NECTIN2: variants seen among roughly 807,000 people sequenced by gnomAD.
The protein encoded by NECTIN2 is nectin cell adhesion molecule 2.
NECTIN2 carries 23 observed loss-of-function variants against 56.9 expected under a neutral mutation model. The observed-to-expected ratio is 0.40, with a 90% CI of 0.29 to 0.57. The LOEUF (loss-of-function observed/expected upper bound fraction) is 0.57. Ranked by LOEUF, NECTIN2 falls within the 20% of genes least tolerant of loss-of-function variation. NECTIN2 has a pLI of 0.38. For missense variants in NECTIN2, 587 were observed against 718.3 expected (o/e 0.82, Z 2.09); for synonymous variants, 302 against 313.8 (o/e 0.96, Z 0.40).
chr19:44,869,765 C>T (rs1257174070), intron 2 of NECTIN2, among the ~76,000 whole-genome samples: 1 of 151,716 alleles, frequency 6.6e-6, no homozygotes, highest in Non-Finnish European at 1.5e-5. Flanking sequence ...TTGTTTGTTT[C>T]TTGGAGAGAG....
At chr19:44,885,307 C>CTTTT (rs34485333) in intron 6 of NECTIN2, among the ~76,000 whole-genome samples, 60 of 112,812 alleles carry the variant, frequency 5.3e-4, no homozygotes, top group Non-Finnish European at 8.7e-4. Context: ...ATCTTTCTTT[C>CTTTT]TTTTTTTTTT....
chr19:44,869,602 AAAAAAAAG>A (rs1162574189), intron 2 of NECTIN2, among the ~76,000 whole-genome samples: 2 of 145,344 alleles, frequency 1.4e-5, no homozygotes, highest in Non-Finnish European at 3.0e-5. Context: ...CAAAAAAAAA[AAAAAAAAG>A]AAAAGAAAAT....
chr19:44,847,125 G>A (rs890971523), intron 1 of NECTIN2, among the ~76,000 whole-genome samples: 1 of 152,128 alleles, frequency 6.6e-6, no homozygotes, highest in South Asian at 2.1e-4. Context: ...AGAGAACTGA[G>A]GACAAGCGGA....
chr19:44,853,354 G>A (rs1298516306), intron 1 of NECTIN2, among the ~76,000 whole-genome samples: 2 of 151,706 alleles, frequency 1.3e-5, no homozygotes, highest in Admixed American at 6.6e-5. Flanking sequence ...CTGCCACCAC[G>A]CCCAGCTAAT....
chr19:44,884,697 G>A (rs1159644213), intron 6 of NECTIN2, among the ~76,000 whole-genome samples: 1 of 152,178 alleles, frequency 6.6e-6, no homozygotes, highest in African/African-American at 2.4e-5. Context: ...TAGGGCAGTT[G>A]AGCAAGCTCT....
rs1179777217 is a variant in NECTIN2, at chr19:44,885,918, C to T, written c.1197-19C>T. 2 of 1,549,962 alleles carry T rather than the reference C, an allele frequency of 1.3e-6. No individual in the cohort carries two copies. Among genetic ancestry groups the T allele is most frequent in the East Asian group, 4.5e-5 (2 of 44,532 alleles). On this transcript the variant is annotated intron_variant, in intron 6 of 8. Transcript: ENST00000252483. ...TGCCTGGGTCTTAATCTCCACTTGT[C>T]CTACCTCCTACCCCACAGCCTGGAG...
At position 44,874,174 on chromosome 19, in the gene NECTIN2, T is replaced by A. The variant is rs914065403; in HGVS notation, c.893+141T>A. On this transcript the variant is annotated intron_variant, in intron 4 of 8. Coordinates refer to ENST00000252483, the MANE Select transcript of NECTIN2 (RefSeq NM_001042724.2). This position sits in a 1 kb window ranked among gnomAD's most constrained non-coding sequence, Gnocchi z 6.3. The stretch of plus-strand genomic sequence containing the variant: ...GGGCTGGGCCTAAATTCCTAAGTCC[T>A]CCAGGATGAAGGGAGCTTGCATTTT... 6.5e-6 allele frequency: 8 copies of A among 1,237,778 alleles called. No individual in the cohort carries two copies. The highest frequency in any genetic ancestry group is 9.1e-6 in the Non-Finnish European group (8 of 875,644). 76.7% of individuals were successfully genotyped at this position (1,237,778 alleles called of 1,614,324 possible). A position where few individuals can be genotyped will look rare whatever the true frequency, so the allele number is the denominator to read the frequency against.
chr19:44,869,201 G>A (rs923405026), intron 2 of NECTIN2, among the ~76,000 whole-genome samples: 3 of 152,006 alleles, frequency 2.0e-5, no homozygotes, highest in Non-Finnish European at 4.4e-5. Flanking sequence ...GGCTGGGCAC[G>A]GTGGCTCACA....
At chr19:44,857,435 T>C (rs1968977898) in intron 1 of NECTIN2, among the ~76,000 whole-genome samples, 1 of 151,370 alleles carries the variant, frequency 6.6e-6, no homozygotes, top group Non-Finnish European at 1.5e-5. Flanking sequence ...GGAGTCTTGC[T>C]CTATTGCCCA....
intron 2 of NECTIN2, among the ~76,000 whole-genome samples, chr19:44,867,138 C>G (rs145396686): frequency 0.011 from 1,711 of 152,154 alleles, 34 homozygotes; most frequent in African/African-American, 0.038. Context: ...CCTGCCTCAG[C>G]CTCCCAAGTA....
intron 5 of NECTIN2, among the ~76,000 whole-genome samples, chr19:44,880,634 T>C (rs1382087453): frequency 6.6e-6 from 1 of 150,466 alleles, no homozygotes; most frequent in Non-Finnish European, 1.5e-5. Context: ...CCAGCCTTTT[T>C]TTTTTTAAGA....
intron 8 of NECTIN2, 78 bp downstream of exon 8, chr19:44,886,297 C>T: frequency 8.3e-7 from 1 of 1,206,368 alleles, no homozygotes; most frequent in Non-Finnish European, 1.2e-6. Flanking sequence ...CAAAAGAGGT[C>T]AAAGACTAAA....
intron 3 of NECTIN2, among the ~76,000 whole-genome samples, chr19:44,872,945 C>G (rs1297756285): frequency 6.8e-6 from 1 of 147,976 alleles, no homozygotes; most frequent in African/African-American, 2.6e-5. Context: ...ATTACAGGCT[C>G]CACCCCCCGG....
In NECTIN2 at chr19:44,874,566, G is replaced by T. The variant is rs1442868263; in HGVS notation, c.1042+88G>T. On this transcript the variant is annotated intron_variant, in intron 5 of 8. Transcript: ENST00000252483. The surrounding 1 kb of genome is among the most constrained non-coding windows in gnomAD (Gnocchi z 6.3). ...CAGGACTTGGGGCTGCACTGGGGGA[G>T]GCTGCGCCGCCGACCTGGGAGGGAT... 1.6e-5 allele frequency: 25 copies of T among 1,536,394 alleles called. No individual in the cohort carries two copies. Among genetic ancestry groups the T allele is most frequent in the Non-Finnish European group, 2.1e-5 (24 of 1,129,398 alleles).
intron 1 of NECTIN2, 120 bp downstream of exon 1, chr19:44,846,733 C>T: frequency 3.4e-6 from 4 of 1,191,510 alleles, no homozygotes; most frequent in Non-Finnish European, 4.5e-6. Flanking sequence ...CTCTCGCGTG[C>T]CCCCTTCCTG....
At chr19:44,857,066 TGGA>T (rs983706635) in intron 1 of NECTIN2, among the ~76,000 whole-genome samples, 6 of 152,090 alleles carry the variant, frequency 3.9e-5, no homozygotes, top group Non-Finnish European at 8.8e-5. Context: ...AAGTTGGGCT[TGGA>T]GACAAGGCTG....
intron 1 of NECTIN2, among the ~76,000 whole-genome samples, chr19:44,850,518 G>A (rs974614155): frequency 6.6e-6 from 1 of 152,062 alleles, no homozygotes; most frequent in Non-Finnish European, 1.5e-5. Context: ...GGTGGTGTGT[G>A]CCTATAGTCC....
Position 44,846,485 on chromosome 19 carries a change from C to T in NECTIN2, c.-41C>T. 1.4e-6 allele frequency: 2 copies of T among 1,424,054 alleles called. No individual in the cohort carries two copies. The highest frequency in any genetic ancestry group is 1.5e-5 in the South Asian group (1 of 67,954). The allele number at this position is 1,424,054 out of a possible 1,614,324, so 88.2% of individuals were successfully genotyped here. On this transcript the variant is annotated 5_prime_UTR_variant, in exon 1 of 9. Transcript: ENST00000252483. ...GCCGATCGGCCCCCACAGAGTGGCC[C>T]GCGGGCCTCCGGCCGGGCCCAGTCC...
At chr19:44,864,340 G>A (rs1284166280) in intron 1 of NECTIN2, among the ~76,000 whole-genome samples, 1 of 151,988 alleles carries the variant, frequency 6.6e-6, no homozygotes, top group Non-Finnish European at 1.5e-5. Context: ...TGAAAGAAAA[G>A]AAAACTTTTA....
Sources: allele counts gnomAD v4.1 joint callset (sites outside exome capture counted in the v4.1 genomes callset), GRCh38; gene constraint gnomAD v4.1.1; non-coding constraint Gnocchi (gnomAD v3.1); transcripts MANE v1.5; gene names NCBI Gene and HGNC (gene_info 2026-07-23, HGNC 2026-07-21).